Variants in LRRTM4 observed in about 807,000 individuals in gnomAD.
LRRTM4 encodes leucine-rich repeat transmembrane neuronal protein 4.
LRRTM4 carries 25 observed loss-of-function variants against 47.6 expected under a neutral mutation model. The ratio of observed to expected loss-of-function variants is 0.53; its 90% CI spans 0.38 to 0.73. LRRTM4 has a LOEUF of 0.73. LRRTM4 is among the 30% of genes least tolerant of loss of function. The pLI, the probability that LRRTM4 is intolerant of heterozygous loss-of-function variation, is 0.00. For synonymous variants in LRRTM4, 311 were observed against 269.5 expected, an observed-to-expected ratio of 1.15 and a Z score of -1.51; for missense variants, 638 against 713.4, an observed-to-expected ratio of 0.89 and a Z score of 1.20.
At chr2:77,027,862 T>G (rs1350995866) in intron 3 of LRRTM4, among the ~76,000 whole-genome samples, 1 of 152,092 alleles carries the variant, frequency 6.6e-6, no homozygotes, top group African/African-American at 2.4e-5. Flanking sequence ...CAAAAGAATA[T>G]GTTCAATACA....
In LRRTM4 at chr2:77,212,574, C is replaced by A. The variant is rs187617162; in HGVS notation, c.1551+305744G>T. ...GAATATATATATATATATTCTCTCT[C>A]TATATATATAGTCTTCATTTAGAGA... is the stretch of plus-strand genomic sequence containing the variant. On this transcript the variant is annotated intron_variant, in intron 3 of 3. Transcript: ENST00000409884. 8.8e-3 allele frequency among the ~76,000 whole-genome samples: 1,318 copies of A among 149,764 alleles called. 15 individuals are homozygous for A. Among genetic ancestry groups the A allele is most frequent in the South Asian group, 0.035 (167 of 4,744 alleles).
intron 3 of LRRTM4, among the ~76,000 whole-genome samples, chr2:77,309,500 G>T (rs577116846): frequency 1.4e-4 from 22 of 152,072 alleles, no homozygotes; most frequent in Non-Finnish European, 2.4e-4. Context: ...ACAATTAATG[G>T]AGGTAATCCA....
chr2:77,061,928 G>T (rs1481455487), intron 3 of LRRTM4, among the ~76,000 whole-genome samples: 1 of 152,152 alleles, frequency 6.6e-6, no homozygotes, highest in Non-Finnish European at 1.5e-5. Flanking sequence ...AGCTGTTAAT[G>T]AGCCAATTAA....
At chr2:76,799,137 A>C (rs925950268) in intron 3 of LRRTM4, among the ~76,000 whole-genome samples, 18 of 144,088 alleles carry the variant, frequency 1.2e-4, no homozygotes, top group African/African-American at 4.6e-4. Context: ...AGCCTGGCAG[A>C]GACACAACCA....
intron 3 of LRRTM4, among the ~76,000 whole-genome samples, chr2:77,299,660 A>G (rs949265210): frequency 6.6e-6 from 1 of 152,076 alleles, no homozygotes; most frequent in Admixed American, 6.5e-5. Context: ...CCTAAGTAAA[A>G]CTGTTGCATT....
chr2:77,421,503 C>G (rs879663139), intron 3 of LRRTM4, among the ~76,000 whole-genome samples: 11 of 152,002 alleles, frequency 7.2e-5, no homozygotes, highest in Non-Finnish European at 1.3e-4. Flanking sequence ...GTCAGGAGAT[C>G]GAGACCATCC....
chr2:77,210,913 C>A (rs1405700221), intron 3 of LRRTM4, among the ~76,000 whole-genome samples: 1 of 152,086 alleles, frequency 6.6e-6, no homozygotes, highest in Non-Finnish European at 1.5e-5. Flanking sequence ...GTACAGGAAG[C>A]TCTGCTGAGC....
At chr2:76,990,318 T>G (rs1177178802) in intron 3 of LRRTM4, among the ~76,000 whole-genome samples, 1 of 151,742 alleles carries the variant, frequency 6.6e-6, no homozygotes. Flanking sequence ...ATATTAACCT[T>G]GAATGTAAAT....
intron 3 of LRRTM4, among the ~76,000 whole-genome samples, chr2:76,848,872 A>G (rs552360926): frequency 2.0e-5 from 3 of 152,104 alleles, no homozygotes; most frequent in Non-Finnish European, 4.4e-5. Context: ...GGGTTATGGA[A>G]GATTCTGGAA....
At chr2:76,998,189 G>A (rs993701358) in intron 3 of LRRTM4, among the ~76,000 whole-genome samples, 3 of 152,026 alleles carry the variant, frequency 2.0e-5, no homozygotes, top group Non-Finnish European at 4.4e-5. Flanking sequence ...ACCAGTCCCT[G>A]GTGCCAGAAA....
intron 3 of LRRTM4, among the ~76,000 whole-genome samples, chr2:77,326,434 C>G (rs776455984): frequency 3.9e-5 from 6 of 152,158 alleles, no homozygotes; most frequent in African/African-American, 9.7e-5. Context: ...TGCTCTGTCT[C>G]CTAGGCTGGA....
rs140484219 is a variant in LRRTM4, at chr2:76,780,609, T to A, written c.1552-31693A>T. ...TCTCGAGCCTTGGTTTTCAGCTCCA[T>A]CACCTCCTTTAAGCACTTCTCTGTA... On this transcript the variant is annotated intron_variant, in intron 3 of 3. Coordinates refer to ENST00000409884, the MANE Select transcript of LRRTM4 (RefSeq NM_001134745.3). Among the ~76,000 whole-genome samples the A allele has an allele frequency of 4.7e-3, 715 of 152,296 alleles. 3 individuals are homozygous for A. Among genetic ancestry groups the A allele is most frequent in the African/African-American group, 0.016 (649 of 41,562 alleles).
chr2:76,919,976 G>T (rs575490600), intron 3 of LRRTM4, among the ~76,000 whole-genome samples: 6 of 150,726 alleles, frequency 4.0e-5, no homozygotes, highest in East Asian at 2.0e-4. Context: ...ATTTTTTTTT[G>T]AAATGCTATT....
intron 3 of LRRTM4, among the ~76,000 whole-genome samples, chr2:77,072,011 C>T (rs188785883): frequency 5.9e-5 from 9 of 152,240 alleles, no homozygotes; most frequent in Admixed American, 2.0e-4. Flanking sequence ...TTGAATTATG[C>T]AACTCCTCTG....
chr2:76,907,286 T>C (rs1469727148), intron 3 of LRRTM4, among the ~76,000 whole-genome samples: 1 of 152 alleles, frequency 6.6e-3, no homozygotes, highest in Non-Finnish European at 0.013. Flanking sequence ...AGATGTTCTT[T>C]GAAACCACGA....
intron 3 of LRRTM4, among the ~76,000 whole-genome samples, chr2:77,130,936 G>T (rs1200340596): frequency 8.4e-6 from 1 of 118,496 alleles, no homozygotes; most frequent in Non-Finnish European, 1.6e-5. Flanking sequence ...CCGGGTTCAC[G>T]CCATTCTCCT....
intron 3 of LRRTM4, among the ~76,000 whole-genome samples, chr2:76,861,720 G>A (rs1573224777): frequency 6.6e-6 from 1 of 152,166 alleles, no homozygotes; most frequent in Admixed American, 6.6e-5. Flanking sequence ...TAATCCAGAT[G>A]TATCAGTAAG....
chr2:77,321,710 A>G (rs1677797758), intron 3 of LRRTM4, among the ~76,000 whole-genome samples: 3 of 152,164 alleles, frequency 2.0e-5, no homozygotes, highest in Admixed American at 2.0e-4. Flanking sequence ...GTGTGAATTT[A>G]ACATTAGCAG....
At chr2:77,049,141 T>TATAC (rs1467657245) in intron 3 of LRRTM4, among the ~76,000 whole-genome samples, 1 of 132,356 alleles carries the variant, frequency 7.6e-6, no homozygotes, top group Non-Finnish European at 1.5e-5. Flanking sequence ...TATATATATA[T>TATAC]ATATATATAT....
Sources: allele counts gnomAD v4.1 joint callset (sites outside exome capture counted in the v4.1 genomes callset), GRCh38; gene constraint gnomAD v4.1.1; transcripts MANE v1.5; gene names NCBI Gene and HGNC (gene_info 2026-07-23, HGNC 2026-07-21).